The following CLDN16 variants were observed in gnomAD, a reference collection of about 807,000 sequenced individuals.
The protein encoded by CLDN16 is claudin 16.
CLDN16 carries 13 observed loss-of-function variants against 24.6 expected under a neutral mutation model. The observed-to-expected ratio is 0.53, with a 90% CI of 0.34 to 0.84. CLDN16 has a LOEUF of 0.84. Ranked by LOEUF, CLDN16 falls within the 40% of genes least tolerant of loss-of-function variation. CLDN16 has a pLI of 0.01. For synonymous variants in CLDN16, 116 were observed against 106.7 expected, an observed-to-expected ratio of 1.09 and a Z score of -0.54; for missense variants, 298 against 292.7, an observed-to-expected ratio of 1.02 and a Z score of -0.13.
At chr3:190,312,502 G>C in the CLDN16 span, among the ~76,000 whole-genome samples, 1 of 152,122 alleles carries the variant, frequency 6.6e-6, no homozygotes, top group Non-Finnish European at 1.5e-5. Flanking sequence ...ACATATTCTT[G>C]TGTTTTCTCT....
upstream of CLDN16, chr3:190,388,141 T>C (rs766056344): frequency 4.3e-6 from 7 of 1,613,898 alleles, no homozygotes; most frequent in African/African-American, 8.0e-5. Context: ...GACCCCACTG[T>C]TGGTTACAGC....
chr3:190,333,723 A>G (rs1717236014), intron 1 of CLDN16, among the ~76,000 whole-genome samples: 1 of 152,188 alleles, frequency 6.6e-6, no homozygotes, highest in Non-Finnish European at 1.5e-5. Context: ...AAAGAAAAGT[A>G]TGCTGTCCCT....
the CLDN16 span, among the ~76,000 whole-genome samples, chr3:190,291,589 G>T: frequency 2.6e-5 from 4 of 152,014 alleles, no homozygotes; most frequent in African/African-American, 9.7e-5. Flanking sequence ...ATGTATTTGG[G>T]TAGAAACACA....
Position 190,374,269 on chromosome 3 carries a change from T to TTGTGTGTGTGTGTGTG in CLDN16, n.231-230_231-215dup, listed in dbSNP as rs3220823. Among the ~76,000 whole-genome samples, 195 of 139,388 alleles carry TTGTGTGTGTGTGTGTG rather than the reference T, an allele frequency of 1.4e-3. 2 individuals carry two copies. The highest frequency in any genetic ancestry group is 3.4e-3 in the African/African-American group (126 of 37,108). 91.4% of individuals were successfully genotyped at this position (139,388 alleles called of 152,430 possible). On this transcript the variant is annotated intron_variant and non_coding_transcript_variant, in intron 2 of 4. Coordinates refer to the CLDN16 transcript ENST00000468220. Reference sequence around the variant, plus strand: ...ATTTTCCTTCCAGCCCTGAAAAACATTGTGTGTGTGTGTGTGTGTGTGTGT... The same window carrying TTGTGTGTGTGTGTGTG: ...ATTTTCCTTCCAGCCCTGAAAAACATTGTGTGTGTGTGTGTGTGTGTGTGTGTGTGTGTGTGTGTGT...
chr3:190,320,710 C>G (rs1243102432), upstream of CLDN16, among the ~76,000 whole-genome samples: 1 of 152,130 alleles, frequency 6.6e-6, no homozygotes, highest in African/African-American at 2.4e-5. Context: ...GTAGACAAAA[C>G]AAGTTAAGTA....
At chr3:190,376,458 A>C (rs2108650354) in intron 3 of CLDN16, among the ~76,000 whole-genome samples, 1 of 152,082 alleles carries the variant, frequency 6.6e-6, no homozygotes, top group East Asian at 1.9e-4. Context: ...ACACATAAAT[A>C]TAAGTAAAAC....
chr3:190,291,508 G>A, the CLDN16 span, among the ~76,000 whole-genome samples: 6 of 152,010 alleles, frequency 3.9e-5, no homozygotes, highest in African/African-American at 1.5e-4. Flanking sequence ...ACAGCATGGG[G>A]GAAACCACCT....
the CLDN16 span, among the ~76,000 whole-genome samples, chr3:190,316,427 T>A: frequency 6.6e-6 from 1 of 152,188 alleles, no homozygotes; most frequent in Admixed American, 6.5e-5. Flanking sequence ...ACACATGTAG[T>A]CACGCACAAA....
At chr3:190,406,437 G>C (rs960733973) in intron 3 of CLDN16, among the ~76,000 whole-genome samples, 1 of 151,954 alleles carries the variant, frequency 6.6e-6, no homozygotes, top group Non-Finnish European at 1.5e-5. Context: ...ATATTTTTGA[G>C]CTATCATCAG....
At chr3:190,305,693 C>T in the CLDN16 span, 1 of 152,106 alleles carries the variant, frequency 6.6e-6, no homozygotes, top group African/African-American at 2.4e-5. Flanking sequence ...GATTAGAAAA[C>T]AAGCCAATAA....
chr3:190,321,351 T>TC (rs1411730221), upstream of CLDN16, among the ~76,000 whole-genome samples: 1 of 152,058 alleles, frequency 6.6e-6, no homozygotes, highest in Non-Finnish European at 1.5e-5. Flanking sequence ...AATTAAAACT[T>TC]CGGGGGAATC....
At chr3:190,296,320 G>A in the CLDN16 span, among the ~76,000 whole-genome samples, 3 of 152,156 alleles carry the variant, frequency 2.0e-5, no homozygotes, top group Non-Finnish European at 2.9e-5. Context: ...AGCAGGGAAA[G>A]AGAATAGAGT....
chr3:190,352,794 A>C (rs1577406369), intron 1 of CLDN16, among the ~76,000 whole-genome samples: 1 of 54,608 alleles, frequency 1.8e-5, no homozygotes, highest in Admixed American at 1.7e-4. Context: ...GTTTTCTCAG[A>C]AAAAAAAAAA....
upstream of CLDN16, chr3:190,388,055 C>A (rs768702333): frequency 2.0e-6 from 3 of 1,473,436 alleles, no homozygotes; most frequent in East Asian, 2.3e-5. Context: ...CTCTCTCCCC[C>A]ACCCGAAACA....
chr3:190,398,887 A>G (rs1484006877), intron 1 of CLDN16, among the ~76,000 whole-genome samples: 1 of 152,204 alleles, frequency 6.6e-6, no homozygotes, highest in African/African-American at 2.4e-5. Flanking sequence ...TTAATATTTA[A>G]TGCATATATA....
chr3:190,299,245 T>C, the CLDN16 span, among the ~76,000 whole-genome samples: 5 of 152,174 alleles, frequency 3.3e-5, no homozygotes, highest in African/African-American at 9.6e-5. Context: ...ATTTATCTTT[T>C]GCAAAATGCC....
intron 1 of CLDN16, among the ~76,000 whole-genome samples, chr3:190,367,739 T>C (rs1229146013): frequency 6.6e-6 from 1 of 151,982 alleles, no homozygotes; most frequent in African/African-American, 2.4e-5. Context: ...TAGTAGAATA[T>C]GTTTTATGCA....
intron 1 of CLDN16, among the ~76,000 whole-genome samples, chr3:190,391,514 G>A (rs1718674543): frequency 6.6e-6 from 1 of 152,140 alleles, no homozygotes; most frequent in African/African-American, 2.4e-5. Flanking sequence ...CTTCCTATCA[G>A]GGCCATCGAA....
rs1718728402 is a variant in CLDN16, at chr3:190,393,376, G to A, written c.114+4933G>A. The stretch of plus-strand genomic sequence containing the variant: ...ATTTAACTTTATATCAGAGGGACCT[G>A]AGGTTAAATCCCACCTTACCAGGCA... On this transcript the variant is annotated intron_variant, in intron 1 of 4. Coordinates refer to ENST00000264734, the MANE Select transcript of CLDN16 (RefSeq NM_006580.4). Among the ~76,000 whole-genome samples the A allele has an allele frequency of 3.3e-5, 5 of 152,278 alleles. No homozygotes were observed. In the South Asian group the frequency reaches 1.0e-3, roughly 32 times the overall value.
Sources: allele counts gnomAD v4.1 joint callset (sites outside exome capture counted in the v4.1 genomes callset), GRCh38; gene constraint gnomAD v4.1.1; transcripts MANE v1.5; gene names NCBI Gene and HGNC (gene_info 2026-07-23, HGNC 2026-07-21).